PHF2: variants seen among roughly 807,000 people sequenced by gnomAD.
The protein encoded by PHF2 is lysine-specific demethylase PHF2.
In PHF2, 27 loss-of-function variants were observed where a neutral mutation model predicts 120.5. The observed-to-expected ratio is 0.22, with a 90% CI of 0.17 to 0.31. The LOEUF is 0.31. Among genes scored for constraint, PHF2 ranks in the 10% least tolerant of loss-of-function variants. The probability of loss-of-function intolerance (pLI) is 1.00; values close to 1 mark genes in which losing one functional copy is unlikely to be tolerated. For synonymous variants in PHF2, 568 were observed against 592.5 expected (o/e 0.96, Z 0.60); for missense variants, 1,024 against 1,434.8 (o/e 0.71, Z 4.63).
chr9:93,604,205 G>A (rs1284175702), intron 1 of PHF2, among the ~76,000 whole-genome samples: 1 of 152,188 alleles, frequency 6.6e-6, no homozygotes, highest in Non-Finnish European at 1.5e-5. Context: ...TCTGGGCAAG[G>A]GTGGCATAGT....
In PHF2 at chr9:93,649,228, C is replaced by T; in HGVS notation, c.602+16C>T. The T allele has an allele frequency of 1.8e-6, 2 of 1,124,984 alleles. No individual in the cohort carries two copies. The highest frequency in any genetic ancestry group is 2.4e-6 in the Non-Finnish European group (2 of 821,184). 69.7% of individuals were successfully genotyped at this position (1,124,984 alleles called of 1,614,324 possible). A position where few individuals can be genotyped will look rare whatever the true frequency, so the allele number is the denominator to read the frequency against. ...CTGACACCCGGTGAGTGCTACCACCCTGGGGGTGTGGGGGCTGGGGTTGGG... is the reference window on the plus strand; with the variant it reads ...CTGACACCCGGTGAGTGCTACCACCTTGGGGGTGTGGGGGCTGGGGTTGGG... On this transcript the variant is annotated intron_variant, in intron 5 of 21. Coordinates refer to ENST00000359246, the MANE Select transcript of PHF2 (RefSeq NM_005392.4).
intron 2 of PHF2, among the ~76,000 whole-genome samples, chr9:93,631,718 G>A (rs1348391498): frequency 6.6e-6 from 1 of 152,112 alleles, no homozygotes; most frequent in Admixed American, 6.5e-5. Context: ...TAGGGGGCAG[G>A]TGTCAGAGCA....
At position 93,679,273 on chromosome 9, in the gene PHF2, C is replaced by T. The variant is rs1132027; in HGVS notation, c.*1597C>T. The T allele has an allele frequency of 0.068, 31,116 of 455,574 alleles. 1,403 individuals are homozygous for T. Among genetic ancestry groups the T allele is most frequent in the Non-Finnish European group, 0.094 (21,359 of 226,836 alleles). The allele number at this position is 455,574 out of a possible 1,614,324, so 28.2% of individuals were successfully genotyped here. ...TTGGAGGGACGCAGTCCCTAGGGCC[C>T]GAGACTGGGTGGGAGAGGGGGAGTC... On this transcript the variant is annotated 3_prime_UTR_variant, in exon 22 of 22. Transcript: ENST00000359246.
chr9:93,600,733 G>A (rs757288248), intron 1 of PHF2, among the ~76,000 whole-genome samples: 1 of 152,146 alleles, frequency 6.6e-6, no homozygotes, highest in Admixed American at 6.5e-5. Context: ...AGGGGAGCTC[G>A]GCCCAAGCAG....
At chr9:93,662,736 G>A (rs1490772347) in intron 12 of PHF2, among the ~76,000 whole-genome samples, 171 bp from the exon 13 acceptor site, 1 of 145,060 alleles carries the variant, frequency 6.9e-6, no homozygotes, top group Non-Finnish European at 1.5e-5. Flanking sequence ...GGATGGATGG[G>A]TGGGTGAATG....
intron 6 of PHF2, among the ~76,000 whole-genome samples, 182 bp downstream of exon 6, chr9:93,653,547 G>A (rs1340333072): frequency 6.6e-6 from 1 of 152,230 alleles, no homozygotes; most frequent in African/African-American, 2.4e-5. Context: ...AGGGGTGCAT[G>A]TGGGACCAGA....
intron 20 of PHF2, 119 bp from the exon 21 acceptor site, chr9:93,676,475 C>A: frequency 7.9e-7 from 1 of 1,270,434 alleles, no homozygotes; most frequent in Non-Finnish European, 1.1e-6. Flanking sequence ...GGCCTCAGGC[C>A]CCTGCTGCCC....
chr9:93,633,703 C>T lies in PHF2; in HGVS notation c.185-2708C>T, dbSNP rs1216638859. 3.3e-5 allele frequency among the ~76,000 whole-genome samples: 5 copies of T among 152,204 alleles called. No homozygotes were observed. The East Asian group carries it at 7.7e-4, about 23-fold the overall frequency. Reference sequence around the variant, plus strand: ...TCTGTGAAGTGAGGGCCCCGCCCCACGAGAGAGGAGGTACGCAGGTGTAGC... The same window carrying T: ...TCTGTGAAGTGAGGGCCCCGCCCCATGAGAGAGGAGGTACGCAGGTGTAGC... On this transcript the variant is annotated intron_variant, in intron 2 of 21. Coordinates refer to ENST00000359246, the MANE Select transcript of PHF2 (RefSeq NM_005392.4).
chr9:93,614,526 C>T (rs1825689986), intron 1 of PHF2, among the ~76,000 whole-genome samples: 1 of 152,194 alleles, frequency 6.6e-6, no homozygotes, highest in African/African-American at 2.4e-5. Flanking sequence ...GGGCACAGCC[C>T]AGCTGGACAG....
At chr9:93,614,881 GTGATGGTGATGGTAA>G (rs1825697175) in intron 1 of PHF2, among the ~76,000 whole-genome samples, 3 of 68,906 alleles carry the variant, frequency 4.4e-5, no homozygotes, top group African/African-American at 7.8e-5. Context: ...GACAGTGATG[GTGATGGTGATGGTAA>G]TGATGGTGAT....
At chr9:93,613,020 G>A (rs1232745950) in intron 1 of PHF2, among the ~76,000 whole-genome samples, 1 of 152,186 alleles carries the variant, frequency 6.6e-6, no homozygotes, top group East Asian at 1.9e-4. Context: ...CTGGTGCCAG[G>A]CCCCTAGGCT....
intron 1 of PHF2, among the ~76,000 whole-genome samples, chr9:93,621,279 T>C (rs1281153312): frequency 6.6e-6 from 1 of 152,176 alleles, no homozygotes; most frequent in Admixed American, 6.5e-5. Flanking sequence ...ACCTAGGTGG[T>C]GAGGGGGTGC....
chr9:93,649,908 TCATAGA>T lies in PHF2; in HGVS notation c.602+701_602+706del, dbSNP rs1826334715. 2.0e-5 allele frequency among the ~76,000 whole-genome samples: 3 copies of T among 151,304 alleles called. No homozygotes were observed. In the South Asian group the frequency reaches 6.3e-4, roughly 32 times the overall value. On this transcript the variant is annotated intron_variant, in intron 5 of 21. Transcript: ENST00000359246. The stretch of plus-strand genomic sequence containing the variant: ...CACTCGTGACACAACACACCAACAC[TCATAGA>T]CATACTCATGACACATTCATAGACA...
intron 1 of PHF2, among the ~76,000 whole-genome samples, chr9:93,578,498 C>G (rs941508251): frequency 1.3e-5 from 2 of 152,240 alleles, no homozygotes; most frequent in Non-Finnish European, 2.9e-5. Flanking sequence ...TCTCCCCCAT[C>G]TCCACCGGAG....
intron 2 of PHF2, among the ~76,000 whole-genome samples, chr9:93,632,440 C>A (rs1826017624): frequency 6.6e-6 from 1 of 152,184 alleles, no homozygotes; most frequent in South Asian, 2.1e-4. Flanking sequence ...ATACCACAGA[C>A]TGGAGGGCTT....
rs541546291 is a variant in PHF2, at chr9:93,581,182, T to C, written c.98+4311T>C. Among the ~76,000 whole-genome samples, 30 of 152,202 alleles carry C rather than the reference T, an allele frequency of 2.0e-4. No homozygotes were observed. In the South Asian group the frequency reaches 6.2e-3, roughly 32 times the overall value. ...TGTGTCCACCTCCCTAGGGATGGAG[T>C]TGGCCTTTCTGGGCTCTCATTGTGC... On this transcript the variant is annotated intron_variant, in intron 1 of 21. Coordinates refer to ENST00000359246, the MANE Select transcript of PHF2 (RefSeq NM_005392.4).
At chr9:93,658,841 G>C (rs1368500474) in intron 10 of PHF2, among the ~76,000 whole-genome samples, 1 of 152,126 alleles carries the variant, frequency 6.6e-6, no homozygotes. Flanking sequence ...TCCTGTGCGC[G>C]CCCCCACAGA....
chr9:93,633,230 G>A (rs185853254), intron 2 of PHF2, among the ~76,000 whole-genome samples: 12 of 152,268 alleles, frequency 7.9e-5, no homozygotes, highest in South Asian at 2.1e-4. Context: ...GTCCCTCCCC[G>A]TTCCAATATG....
intron 14 of PHF2, among the ~76,000 whole-genome samples, chr9:93,664,599 C>A (rs551459368): frequency 2.0e-5 from 3 of 152,350 alleles, no homozygotes; most frequent in African/African-American, 7.2e-5. Context: ...AGTGCCCAGG[C>A]AGAGTCTTGT....
Sources: allele counts gnomAD v4.1 joint callset (sites outside exome capture counted in the v4.1 genomes callset), GRCh38; gene constraint gnomAD v4.1.1; transcripts MANE v1.5; gene names NCBI Gene and HGNC (gene_info 2026-07-23, HGNC 2026-07-21).